The following NCAPG2 variants were observed in gnomAD, a reference collection of about 807,000 sequenced individuals.
NCAPG2 encodes condensin-2 complex subunit G2.
NCAPG2 carries 53 observed loss-of-function variants against 141.1 expected under a neutral mutation model. The observed-to-expected ratio is 0.38, with a 90% CI of 0.30 to 0.47. The LOEUF is 0.47. NCAPG2 is among the 20% of genes least tolerant of loss of function. The pLI is 0.99. For synonymous variants in NCAPG2, 499 were observed against 490.7 expected (o/e 1.02, Z -0.22); for missense variants, 1,087 against 1,389.0 (o/e 0.78, Z 3.46).
intron 23 of NCAPG2, among the ~76,000 whole-genome samples, chr7:158,651,516 T>C (rs1356740317): frequency 6.6e-6 from 1 of 152,216 alleles, no homozygotes; most frequent in Admixed American, 6.5e-5. Context: ...ATTTCATAAA[T>C]AGCCTCCCAT....
At chr7:158,681,022 A>C (rs747889218) in intron 9 of NCAPG2, among the ~76,000 whole-genome samples, 3 of 152,226 alleles carry the variant, frequency 2.0e-5, no homozygotes, top group Non-Finnish European at 4.4e-5. Flanking sequence ...ACAAGAAAGA[A>C]TCTACGGCTG....
intron 23 of NCAPG2, among the ~76,000 whole-genome samples, chr7:158,651,442 C>G (rs952298769): frequency 6.6e-6 from 1 of 152,138 alleles, no homozygotes; most frequent in Non-Finnish European, 1.5e-5. Context: ...TTGAACTAGA[C>G]TAGAAAAAGT....
At chr7:158,654,518 G>A (rs992455911) in intron 22 of NCAPG2, 77 bp downstream of exon 22, 7 of 1,407,338 alleles carry the variant, frequency 5.0e-6, no homozygotes, top group Middle Eastern at 1.8e-4. Flanking sequence ...TGAGAGTTCT[G>A]AGCTACACAG....
intron 16 of NCAPG2, among the ~76,000 whole-genome samples, chr7:158,659,720 T>C (rs1587143392): frequency 6.6e-6 from 1 of 152,272 alleles, no homozygotes; most frequent in Non-Finnish European, 1.5e-5. Context: ...TGAAAATACA[T>C]ATGAAACAGA....
In NCAPG2 at chr7:158,671,616, C is replaced by G. The variant is rs1055978578; in HGVS notation, c.1377G>C (p.Gln459His). The G allele has an allele frequency of 4.3e-6, 7 of 1,614,168 alleles. No individual in the cohort carries two copies. Among genetic ancestry groups the G allele is most frequent in the Middle Eastern group, 1.6e-4 (1 of 6,062 alleles). ...GACTGTATCTGAGAGCTGGAAGGAG[C>G]TGCTCTAACAATGGGTGGCTCAGTT... Reference protein sequence around the residue: ...DNKLSHPLLEQLLPALRYSLH... With the variant: ...DNKLSHPLLEHLLPALRYSLH... The change falls in exon 13 of 28, where the codon CAG (glutamine) becomes CAC (histidine). Residue 459 changes from glutamine (Q) to histidine (H), a missense_variant. Physicochemically the swap from Gln to His is conservative, Grantham distance 24 (BLOSUM62 0). Coordinates refer to ENST00000356309, the MANE Select transcript of NCAPG2 (RefSeq NM_017760.7).
chr7:158,636,921 C>T (rs1830239318), intron 27 of NCAPG2, among the ~76,000 whole-genome samples: 1 of 152,046 alleles, frequency 6.6e-6, no homozygotes, highest in Non-Finnish European at 1.5e-5. Flanking sequence ...GCTCCTAAGG[C>T]CAATAGTCTA....
At chr7:158,679,836 A>G in intron 11 of NCAPG2, 124 bp downstream of exon 11, 1 of 1,304,204 alleles carries the variant, frequency 7.7e-7, no homozygotes, top group Non-Finnish European at 1.0e-6. Flanking sequence ...AGGTTTAGAA[A>G]CCATGCCATG....
At chr7:158,670,450 T>TA (rs1833614218) in intron 13 of NCAPG2, among the ~76,000 whole-genome samples, 1 of 152,056 alleles carries the variant, frequency 6.6e-6, no homozygotes, top group African/African-American at 2.4e-5. Flanking sequence ...CCTGTGGTCC[T>TA]AGCCACTTGG....
intron 19 of NCAPG2, among the ~76,000 whole-genome samples, chr7:158,655,941 G>A (rs1252351800): frequency 6.6e-6 from 1 of 152,226 alleles, no homozygotes; most frequent in African/African-American, 2.4e-5. Flanking sequence ...GGGAGTGAGT[G>A]TCCACATGAA....
At chr7:158,701,754 T>A in intron 2 of NCAPG2, 68 bp downstream of exon 2, 1 of 1,355,088 alleles carries the variant, frequency 7.4e-7, no homozygotes. Flanking sequence ...TTTGGGGACA[T>A]AATGACTTTA....
chr7:158,687,409 T>G lies in NCAPG2; in HGVS notation c.706A>C (p.Asn236His), dbSNP rs1370072547. The change falls in exon 7 of 28, where the codon AAT becomes CAT. Residue 236 changes from asparagine (N) to histidine (H), a missense_variant. By Grantham distance (68) the Asn-to-His change is moderately conservative (BLOSUM62 1). Coordinates refer to ENST00000356309, the MANE Select transcript of NCAPG2 (RefSeq NM_017760.7). ...TGGATCATTTTGATGAAGTTGATAT[T>G]CCAGTTGAAGAGACAACTAAGAAAT... ...RRFLSCLFNW[N>H]INFIKMIHGT... 1 of 1,610,686 alleles carries G rather than the reference T, an allele frequency of 6.2e-7. No individual in the cohort carries two copies. The highest frequency in any genetic ancestry group is 8.5e-7 in the Non-Finnish European group (1 of 1,178,300).
rs540012633 is a variant in NCAPG2, at chr7:158,657,528, TG to T, written c.2060+809del. ...TTGAAAATCACATCCTTGAGGGAGGTGGGGGGGTCAGCCCCCCACCCGGCCA... is the reference window on the plus strand; with the variant it reads ...TTGAAAATCACATCCTTGAGGGAGGTGGGGGGTCAGCCCCCCACCCGGCCA... On this transcript the variant is annotated intron_variant, in intron 17 of 27. Transcript: ENST00000356309. Among the ~76,000 whole-genome samples the T allele has an allele frequency of 3.6e-3, 550 of 152,030 alleles. 6 individuals carry two copies. Among genetic ancestry groups the T allele is most frequent in the African/African-American group, 0.012 (509 of 41,484 alleles).
intron 6 of NCAPG2, 43 bp downstream of exon 6, chr7:158,689,760 GGAGAAACATCTATTAA>G (rs1835006815): frequency 1.4e-6 from 2 of 1,434,024 alleles, no homozygotes; most frequent in African/African-American, 2.9e-5. Context: ...TGTGAACACA[GGAGAAACATCTATTAA>G]GAAGCAGCTC....
intron 16 of NCAPG2, among the ~76,000 whole-genome samples, 185 bp downstream of exon 16, chr7:158,662,009 A>G (rs1832548591): frequency 6.6e-6 from 1 of 152,222 alleles, no homozygotes; most frequent in African/African-American, 2.4e-5. Flanking sequence ...CAGAGACACA[A>G]GATCTCCACC....
chr7:158,650,843 G>C lies in NCAPG2; in HGVS notation c.3064C>G (p.Gln1022Glu). The change falls in exon 24 of 28, where the codon CAG (glutamine) becomes GAG (glutamate). Residue 1022 changes from glutamine (Q) to glutamate (E), a missense_variant. Coordinates refer to ENST00000356309, the MANE Select transcript of NCAPG2 (RefSeq NM_017760.7). Reference sequence around the variant, plus strand: ...TTAAAGCACTTCACCTTCCGTAGCTGGTGACTTATCTCAACCACAGGCCCA... The same window carrying C: ...TTAAAGCACTTCACCTTCCGTAGCTCGTGACTTATCTCAACCACAGGCCCA... ...IAGPVVEISH[Q>E]LRKVSDVEEL... is the part of the protein sequence containing the mutation. 6.2e-7 allele frequency: 1 copy of C among 1,611,626 alleles called. No individual in the cohort carries two copies. The highest frequency in any genetic ancestry group is 1.1e-5 in the South Asian group (1 of 90,534).
rs1336988723 is a variant in NCAPG2 at position 158,633,660 on chromosome 7, CAGCCCAGCA to C, written c.3381-1952_3381-1944del. Among the ~76,000 whole-genome samples the C allele has an allele frequency of 6.6e-6, 1 of 152,230 alleles. No homozygotes were observed. The highest frequency in any genetic ancestry group is 1.5e-5 in the Non-Finnish European group (1 of 68,036). ...CACAGACCAGGTTCCGCCCACCTGT[CAGCCCAGCA>C]ACTGCCTGGCTCAGCAGCAGTGCAG... On this transcript the variant is annotated intron_variant, in intron 27 of 27. Coordinates refer to ENST00000356309, the MANE Select transcript of NCAPG2 (RefSeq NM_017760.7). This position sits in a 1 kb window ranked among gnomAD's most constrained non-coding sequence, Gnocchi z 4.1.
chr7:158,686,155 TA>T lies in NCAPG2; in HGVS notation c.837+16del. 8 of 1,470,364 alleles carry T rather than the reference TA, an allele frequency of 5.4e-6. No individual in the cohort carries two copies. In the South Asian group the frequency reaches 7.8e-5, roughly 14 times the overall value. The allele number at this position is 1,470,364 out of a possible 1,614,324, so 91.1% of individuals were successfully genotyped here. ...TATAATAAAAATAAGTGTTAACATT[TA>T]AAAAAATGAAAATACCTCCAGTATT... On this transcript the variant is annotated intron_variant, in intron 8 of 27. Coordinates refer to ENST00000356309, the MANE Select transcript of NCAPG2 (RefSeq NM_017760.7).
chr7:158,631,217 A>G lies in NCAPG2; in HGVS notation c.*449T>C. ...GGCTGGTCTTGAACTCCTGACCTCA[A>G]GTGATCTATCTGCCTGCCTCAGCCT... On this transcript the variant is annotated 3_prime_UTR_variant, in exon 28 of 28. Transcript: ENST00000356309. 1 of 176,010 alleles carries G rather than the reference A, an allele frequency of 5.7e-6. No homozygotes were observed. The highest frequency in any genetic ancestry group is 1.2e-5 in the Non-Finnish European group (1 of 85,650). 10.9% of individuals were successfully genotyped at this position (176,010 alleles called of 1,614,324 possible).
intron 21 of NCAPG2, 41 bp from the exon 22 acceptor site, chr7:158,654,735 TA>T (rs1280949610): frequency 4.4e-6 from 7 of 1,587,614 alleles, no homozygotes; most frequent in South Asian, 2.3e-5. Flanking sequence ...AGGCCATTTT[TA>T]AAAAGGGAGT....
Sources: allele counts gnomAD v4.1 joint callset (sites outside exome capture counted in the v4.1 genomes callset), GRCh38; gene constraint gnomAD v4.1.1; non-coding constraint Gnocchi (gnomAD v3.1); transcripts MANE v1.5; gene names NCBI Gene and HGNC (gene_info 2026-07-23, HGNC 2026-07-21).